Variants in MET observed in about 807,000 individuals in gnomAD.
MET encodes MET proto-oncogene, receptor tyrosine kinase.
In MET, 48 loss-of-function variants were observed where a neutral mutation model predicts 133.1. The observed-to-expected ratio is 0.36, with a 90% CI of 0.29 to 0.46. The LOEUF is 0.46. Among genes scored for constraint, MET ranks in the 20% least tolerant of loss-of-function variants. The probability of loss-of-function intolerance (pLI) is 1.00; values close to 1 mark genes in which losing one functional copy is unlikely to be tolerated. For synonymous variants in MET, 628 were observed against 616.5 expected, an observed-to-expected ratio of 1.02 and a Z score of -0.28; for missense variants, 1,442 against 1,695.9, an observed-to-expected ratio of 0.85 and a Z score of 2.63.
At chr7:116,755,600 G>C (rs2116912088) in intron 6 of MET, 85 bp downstream of exon 6, 1 of 1,542,758 alleles carries the variant, frequency 6.5e-7, no homozygotes, top group Non-Finnish European at 8.9e-7. Context: ...AATTGCTCAA[G>C]AAGCTCATCT....
chr7:116,678,619 T>C (rs1031922585), intron 1 of MET, among the ~76,000 whole-genome samples: 1 of 152,190 alleles, frequency 6.6e-6, no homozygotes, highest in African/African-American at 2.4e-5. Flanking sequence ...GTTGCCTCCT[T>C]TGAGGCCTAA....
chr7:116,783,381 T>C lies in MET; in HGVS notation c.3710T>C (p.Val1237Ala). ...RDMYDKEYYS[V>A]HNKTGAKLPV... ...ATGTATGATAAAGAATACTATAGTG[T>C]ACACAACAAAACAGGTGCAAAGCTG... The change falls in exon 19 of 21, where the codon GTA becomes GCA. Residue 1237 changes from valine (V) to alanine (A), a missense_variant. Val to Ala is a moderately conservative substitution (Grantham distance 64). Coordinates refer to ENST00000397752, the MANE Select transcript of MET (RefSeq NM_000245.4). The C allele has an allele frequency of 1.9e-6, 3 of 1,614,150 alleles. No individual in the cohort carries two copies. The East Asian group carries it at 6.7e-5, about 36-fold the overall frequency.
intron 1 of MET, among the ~76,000 whole-genome samples, chr7:116,680,542 C>T (rs975227123): frequency 3.9e-5 from 6 of 151,902 alleles, no homozygotes; most frequent in African/African-American, 7.3e-5. Context: ...GAAAGGTGGG[C>T]GGGATATGCT....
At chr7:116,777,542 C>A in intron 16 of MET, 73 bp downstream of exon 16, 2 of 1,370,832 alleles carry the variant, frequency 1.5e-6, no homozygotes, top group Non-Finnish European at 2.1e-6. Context: ...TATAATAAAA[C>A]GTTGATTTAC....
chr7:116,688,282 C>T (rs567935138), intron 1 of MET, among the ~76,000 whole-genome samples: 5 of 151,920 alleles, frequency 3.3e-5, no homozygotes, highest in African/African-American at 7.2e-5. Context: ...ATGTGATTTG[C>T]GGATTTATGT....
chr7:116,673,528 A>G (rs1011153901), intron 1 of MET, among the ~76,000 whole-genome samples: 2 of 152,226 alleles, frequency 1.3e-5, no homozygotes, highest in Admixed American at 6.5e-5. Flanking sequence ...CCTCTCTTGA[A>G]TTTTAAGAAG....
At chr7:116,715,160 G>A (rs958596529) in intron 2 of MET, among the ~76,000 whole-genome samples, 23 of 152,276 alleles carry the variant, frequency 1.5e-4, no homozygotes, top group African/African-American at 5.1e-4. Flanking sequence ...TCTGTCACAT[G>A]GTATGGTATT....
At chr7:116,730,325 T>G (rs936461199) in intron 2 of MET, among the ~76,000 whole-genome samples, 1 of 152,156 alleles carries the variant, frequency 6.6e-6, no homozygotes. Flanking sequence ...TCTGGAGAAG[T>G]TGGGCAGGGG....
chr7:116,676,223 T>A (rs1796154667), intron 1 of MET, among the ~76,000 whole-genome samples: 1 of 152,244 alleles, frequency 6.6e-6, no homozygotes, highest in Non-Finnish European at 1.5e-5. Context: ...TTTTAATTTC[T>A]ATAATAAATT....
chr7:116,768,074 A>G (rs1018312371), intron 11 of MET, among the ~76,000 whole-genome samples: 1 of 151,162 alleles, frequency 6.6e-6, no homozygotes, highest in Non-Finnish European at 1.5e-5. Flanking sequence ...ATAAGTCACT[A>G]CTTACCATGT....
Position 116,721,066 on chromosome 7 carries a change from A to G in MET, c.1201-10602A>G, listed in dbSNP as rs953279995. Among the ~76,000 whole-genome samples the G allele has an allele frequency of 7.2e-4, 110 of 152,266 alleles. 2 individuals are homozygous for G. The South Asian group carries it at 0.022, about 30-fold the overall frequency. On this transcript the variant is annotated intron_variant, in intron 2 of 20. Transcript: ENST00000397752. ...GAATAGTTTCAGAAGGAATGGTACCAGTTCCTCCTTGCACCTCTGATAGAA... is the reference window on the plus strand; with the variant it reads ...GAATAGTTTCAGAAGGAATGGTACCGGTTCCTCCTTGCACCTCTGATAGAA...
intron 2 of MET, among the ~76,000 whole-genome samples, chr7:116,715,164 T>C (rs769696690): frequency 6.6e-6 from 1 of 152,222 alleles, no homozygotes; most frequent in Non-Finnish European, 1.5e-5. Flanking sequence ...TCACATGGTA[T>C]GGTATTATAT....
At chr7:116,693,701 C>G (rs934599734) in intron 1 of MET, among the ~76,000 whole-genome samples, 3 of 152,106 alleles carry the variant, frequency 2.0e-5, no homozygotes, top group Non-Finnish European at 4.4e-5. Context: ...CTATAGTCTG[C>G]CTATCTCCAC....
At chr7:116,774,661 T>C (rs549126385) in intron 14 of MET, among the ~76,000 whole-genome samples, 44 of 152,220 alleles carry the variant, frequency 2.9e-4, no homozygotes, top group Non-Finnish European at 4.9e-4. Context: ...GAGAAATGTC[T>C]AAGGAAATGA....
In MET at chr7:116,700,083, A is replaced by G. The variant is rs2116602949; in HGVS notation, c.999A>G (p.Ile333Met). 6.2e-7 allele frequency: 1 copy of G among 1,612,830 alleles called. No individual in the cohort carries two copies. The highest frequency in any genetic ancestry group is 8.5e-7 in the Non-Finnish European group (1 of 1,179,568). ...CTGGGGCCCAGCTTGCTAGACAAAT[A>G]GGAGCCAGCCTGAATGATGACATTC... Reference protein sequence around the residue: ...SKPGAQLARQIGASLNDDILF... With the variant: ...SKPGAQLARQMGASLNDDILF... Residue 333 changes from isoleucine (I) to methionine (M), a missense_variant, in exon 2 of 21, where the codon ATA (isoleucine) becomes ATG (methionine). Physicochemically the swap from Ile to Met is conservative, Grantham distance 10 (BLOSUM62 1). Around this residue, in one of 6 missense-constraint regions of MET, gnomAD observed 762 missense variants for 792.4 expected, o/e 0.96. Coordinates refer to ENST00000397752, the MANE Select transcript of MET (RefSeq NM_000245.4).
chr7:116,785,453 G>A (rs1795283571), intron 19 of MET, among the ~76,000 whole-genome samples: 1 of 152,152 alleles, frequency 6.6e-6, no homozygotes, highest in African/African-American at 2.4e-5. Flanking sequence ...GACCAAGGTG[G>A]TGACAAGCTT....
rs186462523 is a variant in MET, at chr7:116,743,004, A to C, written c.1701+1979A>C. ...TCGCAGCAAGATCAGTGCAGAAGGC[A>C]GGTGATTTCTGCATGTCCAACAGAG... On this transcript the variant is annotated intron_variant, in intron 5 of 20. Coordinates refer to ENST00000397752, the MANE Select transcript of MET (RefSeq NM_000245.4). Among the ~76,000 whole-genome samples the C allele has an allele frequency of 3.6e-4, 55 of 152,336 alleles. No homozygotes were observed. The East Asian group carries it at 5.6e-3, about 16-fold the overall frequency.
At chr7:116,737,366 C>A (rs192714031) in intron 3 of MET, among the ~76,000 whole-genome samples, 2 of 152,332 alleles carry the variant, frequency 1.3e-5, no homozygotes, top group Admixed American at 1.3e-4. Context: ...CACGGAGTAA[C>A]TGGCGAGGCA....
chr7:116,767,974 ATG>A (rs36013546), intron 11 of MET, among the ~76,000 whole-genome samples: 35,381 of 139,644 alleles, frequency 0.25, 4,403 homozygotes, highest in Middle Eastern at 0.31. Context: ...ATATATATAT[ATG>A]TGTGTGTGTG....
Sources: allele counts gnomAD v4.1 joint callset (sites outside exome capture counted in the v4.1 genomes callset), GRCh38; gene constraint gnomAD v4.1.1; regional missense constraint gnomAD v4.1.1; transcripts MANE v1.5; gene names NCBI Gene and HGNC (gene_info 2026-07-23, HGNC 2026-07-21).